The following BRD4 variants were observed in gnomAD, a reference collection of about 807,000 sequenced individuals.
BRD4 encodes bromodomain containing 4.
BRD4 carries 16 observed loss-of-function variants against 142.1 expected under a neutral mutation model. That is an observed-to-expected ratio of 0.11 (90% CI 0.08 to 0.17). The LOEUF (loss-of-function observed/expected upper bound fraction) is 0.17, where lower values mean the gene tolerates loss of function less well. BRD4 is among the 10% of genes least tolerant of loss of function. BRD4 has a pLI of 1.00. For synonymous variants in BRD4, 833 were observed against 707.5 expected (o/e 1.18, Z -2.82); for missense variants, 1,424 against 1,810.9 (o/e 0.79, Z 3.88).
At chr19:15,274,367 A>G (rs949248977) in intron 1 of BRD4, among the ~76,000 whole-genome samples, 6 of 152,190 alleles carry the variant, frequency 3.9e-5, no homozygotes. Context: ...GACAAGTGTG[A>G]TGGGGTCAAG....
chr19:15,259,466 C>A (rs1462677266), intron 7 of BRD4, among the ~76,000 whole-genome samples: 2 of 152,202 alleles, frequency 1.3e-5, no homozygotes, highest in Admixed American at 6.5e-5. Flanking sequence ...GTGCTCATGG[C>A]CCTGGCTCTC....
intron 1 of BRD4, among the ~76,000 whole-genome samples, chr19:15,321,968 G>C (rs2048065199): frequency 6.6e-6 from 1 of 152,028 alleles, no homozygotes; most frequent in African/African-American, 2.4e-5. Context: ...AGCATATCCA[G>C]GACAGTCATC....
At chr19:15,262,912 T>C (rs994105139) in intron 7 of BRD4, among the ~76,000 whole-genome samples, 3 of 152,164 alleles carry the variant, frequency 2.0e-5, no homozygotes, top group Admixed American at 6.5e-5. Context: ...CCCACACGTG[T>C]ACTTCACACT....
At chr19:15,324,661 G>C (rs1440424458) in intron 1 of BRD4, among the ~76,000 whole-genome samples, 1 of 152,154 alleles carries the variant, frequency 6.6e-6, no homozygotes, top group East Asian at 1.9e-4. Context: ...AAAAACTTTG[G>C]CCCACCAGTG....
chr19:15,309,829 T>C lies in BRD4; in HGVS notation c.-35+22461A>G, dbSNP rs1347899315. 3.3e-5 allele frequency among the ~76,000 whole-genome samples: 5 copies of C among 152,280 alleles called. No individual in the cohort carries two copies. The East Asian group carries it at 7.7e-4, about 24-fold the overall frequency. On this transcript the variant is annotated intron_variant, in intron 1 of 19. Coordinates refer to ENST00000679869, the MANE Select transcript of BRD4 (RefSeq NM_001379291.1). ...GCTGCCCTTCCAAGGACTGAGGTAC[T>C]GTACCCAAGAATCACTGTGCCGGAG...
chr19:15,251,438 C>CGGGGGGGGGGGGGGGGGGGG (rs1197390019), intron 11 of BRD4, among the ~76,000 whole-genome samples: 1 of 7,084 alleles, frequency 1.4e-4, no homozygotes, highest in Non-Finnish European at 2.5e-4. Flanking sequence ...AACACAAGAA[C>CGGGGGGGGGGGGGGGGGGGG]GGGGGGGGGG....
chr19:15,319,950 AC>A (rs1477096531), intron 1 of BRD4, among the ~76,000 whole-genome samples: 8 of 152,150 alleles, frequency 5.3e-5, no homozygotes, highest in African/African-American at 1.9e-4. Context: ...ACAAAACAAA[AC>A]AAAAAAGCCA....
chr19:15,242,796 A>AC (rs139759128), intron 14 of BRD4, 104 bp downstream of exon 14: 17,485 of 1,511,800 alleles, frequency 0.012, 188 homozygotes, highest in East Asian at 0.068. Flanking sequence ...TCAGCTCTGA[A>AC]CCCACTGCAG....
chr19:15,257,938 G>A (rs1436322760), intron 7 of BRD4, among the ~76,000 whole-genome samples: 1 of 152,146 alleles, frequency 6.6e-6, no homozygotes, highest in Non-Finnish European at 1.5e-5. Context: ...TGGAGCTCAG[G>A]GAACAGCAGC....
At chr19:15,331,638 C>A (rs2048159723) in intron 1 of BRD4, among the ~76,000 whole-genome samples, 1 of 152,132 alleles carries the variant, frequency 6.6e-6, no homozygotes, top group South Asian at 2.1e-4. Flanking sequence ...GCCCCTTTCT[C>A]CGCAGCACTC....
At position 15,264,357 on chromosome 19, in the gene BRD4, G is replaced by A. The variant is rs1376416036; in HGVS notation, c.1212+47C>T. On this transcript the variant is annotated intron_variant, in intron 6 of 19. Coordinates refer to ENST00000679869, the MANE Select transcript of BRD4 (RefSeq NM_001379291.1). ...GGTCTAGGAAGGTTCTGATGTGGAG[G>A]GACAGCCTGCCCACCTTGTCCCTTC... 6 of 1,551,166 alleles carry A rather than the reference G, an allele frequency of 3.9e-6. No homozygotes were observed. In the African/African-American group the frequency reaches 5.4e-5, roughly 14 times the overall value.
At chr19:15,275,065 G>C (rs1292201545) in intron 1 of BRD4, among the ~76,000 whole-genome samples, 1 of 151,872 alleles carries the variant, frequency 6.6e-6, no homozygotes, top group East Asian at 1.9e-4. Flanking sequence ...CACCATGTTG[G>C]CCAGGCTGGT....
rs556231939 is a variant in BRD4, at chr19:15,311,057, G to A, written c.-35+21233C>T. 2.6e-3 allele frequency among the ~76,000 whole-genome samples: 390 copies of A among 152,084 alleles called. 2 individuals carry two copies. Among genetic ancestry groups the A allele is most frequent in the Admixed American group, 3.5e-3 (54 of 15,294 alleles). On this transcript the variant is annotated intron_variant, in intron 1 of 19. Coordinates refer to ENST00000679869, the MANE Select transcript of BRD4 (RefSeq NM_001379291.1). Reference sequence around the variant, plus strand: ...TGTAATCCCAGCACTTTGGGAGGCCGAGGCAGGTGGATCCCTTGAGGCCAG... The same window carrying A: ...TGTAATCCCAGCACTTTGGGAGGCCAAGGCAGGTGGATCCCTTGAGGCCAG...
At chr19:15,293,140 CTCATCT>C (rs1237156774) in intron 1 of BRD4, among the ~76,000 whole-genome samples, 121 of 152,290 alleles carry the variant, frequency 7.9e-4, no homozygotes, top group African/African-American at 2.9e-3. Flanking sequence ...AATAAATAAG[CTCATCT>C]TTAACTCAGA....
chr19:15,288,690 G>A (rs931869440), intron 1 of BRD4, among the ~76,000 whole-genome samples: 3 of 152,248 alleles, frequency 2.0e-5, no homozygotes, highest in African/African-American at 7.2e-5. Flanking sequence ...AGACACACAG[G>A]GCCGCCGAAG....
chr19:15,245,993 G>T (rs796520501), intron 11 of BRD4, among the ~76,000 whole-genome samples: 1 of 152,212 alleles, frequency 6.6e-6, no homozygotes, highest in Non-Finnish European at 1.5e-5. Flanking sequence ...AAGGGATGGG[G>T]AAGGACCTTG....
chr19:15,239,381 T>C lies in BRD4; in HGVS notation c.3576+11A>G, dbSNP rs2145500640. 1 of 1,614,176 alleles carries C rather than the reference T, an allele frequency of 6.2e-7. No homozygotes were observed. The highest frequency in any genetic ancestry group is 1.1e-5 in the South Asian group (1 of 91,084). ...AAGGGGCAAGCGACACCCATGGACC[T>C]CCATCCCAACCTTTTTGGGCGCAAC... On this transcript the variant is annotated intron_variant, in intron 17 of 19. Coordinates refer to ENST00000679869, the MANE Select transcript of BRD4 (RefSeq NM_001379291.1). This position sits in a 1 kb window ranked among gnomAD's most constrained non-coding sequence, Gnocchi z 7.4.
At chr19:15,317,298 G>C (rs1396791031) in intron 1 of BRD4, among the ~76,000 whole-genome samples, 1 of 152,178 alleles carries the variant, frequency 6.6e-6, no homozygotes, top group African/African-American at 2.4e-5. Context: ...AGAACAATCA[G>C]CAGCAGTGTG....
chr19:15,286,307 A>C (rs1250664398), intron 1 of BRD4, among the ~76,000 whole-genome samples: 1 of 152,206 alleles, frequency 6.6e-6, no homozygotes, highest in Non-Finnish European at 1.5e-5. Flanking sequence ...ATAATCAGGC[A>C]CCGTGGTACT....
Sources: gnomAD v4.1 joint callset for allele counts (sites outside exome capture counted in the v4.1 genomes callset) on GRCh38, gnomAD v4.1.1 for gene constraint, Gnocchi (gnomAD v3.1) non-coding constraint, MANE v1.5 for transcripts, NCBI Gene and HGNC (gene_info 2026-07-23, HGNC 2026-07-21) for gene names.